RNF213: variants seen among roughly 807,000 people sequenced by gnomAD.
RNF213 encodes the protein E3 ubiquitin-protein ligase RNF213.
Under a neutral mutation model 514.4 loss-of-function variants are expected in RNF213, and 341 were observed. The observed-to-expected ratio is 0.66, with a 90% confidence interval of 0.61 to 0.73. RNF213 has a LOEUF of 0.73. Ranked by LOEUF, RNF213 falls within the 30% of genes least tolerant of loss-of-function variation. The probability of loss-of-function intolerance (pLI) is 0.00; values close to 1 mark genes in which losing one functional copy is unlikely to be tolerated. For synonymous variants in RNF213, 2,655 were observed against 2,658.2 expected, an observed-to-expected ratio of 1.00 and a Z score of 0.04; for missense variants, 5,767 against 6,615.6, an observed-to-expected ratio of 0.87 and a Z score of 4.45.
chr17:80,393,282 T>C, intron 67 of RNF213, 63 bp from the exon 68 acceptor site: 1 of 1,385,268 alleles, frequency 7.2e-7, no homozygotes, highest in Non-Finnish European at 1.0e-6. Flanking sequence ...AGTGCTGGGC[T>C]TACACACGTG....
intron 11 of RNF213, among the ~76,000 whole-genome samples, chr17:80,306,022 G>A (rs556132234): frequency 6.6e-6 from 1 of 151,986 alleles, no homozygotes; most frequent in Admixed American, 6.6e-5. Context: ...TAGAGACAGG[G>A]CCTCACTAGG....
Position 80,339,813 on chromosome 17 carries a change from C to G in RNF213, c.5446C>G (p.Pro1816Ala). Residue 1816 changes from proline (P) to alanine (A), a missense_variant, in exon 26 of 68, where the codon CCC (proline) becomes GCC (alanine). Around this residue, in one of 13 missense-constraint regions of RNF213, gnomAD observed 1,377 missense variants for 1,635.2 expected, o/e 0.84. Transcript: ENST00000582970. ...LAHLAGMGGS[P>A]VERCLPRGLQ... Reference sequence around the variant, plus strand: ...TCACCTGGCAGGGATGGGTGGGTCTCCCGTGGAGCGTTGTCTCCCGAGAGG... The same window carrying G: ...TCACCTGGCAGGGATGGGTGGGTCTGCCGTGGAGCGTTGTCTCCCGAGAGG... 1 of 1,534,936 alleles carries G rather than the reference C, an allele frequency of 6.5e-7. No homozygotes were observed. The highest frequency in any genetic ancestry group is 8.7e-7 in the Non-Finnish European group (1 of 1,145,134).
chr17:80,280,563 C>T (rs1006605542), intron 3 of RNF213, among the ~76,000 whole-genome samples: 2 of 152,244 alleles, frequency 1.3e-5, no homozygotes, highest in Non-Finnish European at 2.9e-5. Flanking sequence ...AAGCAATCCT[C>T]GTGCCTCAGC....
intron 8 of RNF213, 26 bp from the exon 9 acceptor site, chr17:80,294,694 G>T: frequency 6.2e-7 from 1 of 1,613,110 alleles, no homozygotes; most frequent in South Asian, 1.1e-5. Flanking sequence ...TCTTAGGTAG[G>T]CTCTTGTTCC....
intron 14 of RNF213, among the ~76,000 whole-genome samples, chr17:80,309,802 C>T (rs1020022050): frequency 1.3e-5 from 2 of 151,976 alleles, no homozygotes; most frequent in Non-Finnish European, 2.9e-5. Context: ...GTCACCCAGG[C>T]TGGAGTGCAG....
intron 7 of RNF213, 75 bp from the exon 8 acceptor site, chr17:80,291,553 A>G (rs2044729712): frequency 2.0e-5 from 28 of 1,433,478 alleles, no homozygotes; most frequent in Non-Finnish European, 2.6e-5. Context: ...TTTGCACTCC[A>G]TGCTACGTTT....
intron 17 of RNF213, among the ~76,000 whole-genome samples, chr17:80,323,128 A>G (rs1278921183): frequency 1.3e-5 from 2 of 152,198 alleles, no homozygotes; most frequent in Admixed American, 6.5e-5. Context: ...TTGTCCCAGC[A>G]TTTGTTGAAA....
intron 63 of RNF213, among the ~76,000 whole-genome samples, chr17:80,387,172 G>C (rs1274320654): frequency 1.3e-5 from 2 of 152,226 alleles, no homozygotes; most frequent in African/African-American, 4.8e-5. Context: ...CGAGGCTGCA[G>C]GGCAGTGGTG....
At chr17:80,308,521 G>A (rs939724496) in intron 13 of RNF213, among the ~76,000 whole-genome samples, 26 of 150,486 alleles carry the variant, frequency 1.7e-4, no homozygotes, top group Non-Finnish European at 3.5e-4. Context: ...GGCTCCTCCC[G>A]AGTCCCTACC....
At chr17:80,352,500 A>G in intron 32 of RNF213, 1 of 511,682 alleles carries the variant, frequency 2.0e-6, no homozygotes. Context: ...TTTCCAAGGA[A>G]TGGTCACCAG....
intron 37 of RNF213, among the ~76,000 whole-genome samples, chr17:80,359,110 G>C (rs1047142518): frequency 5.5e-4 from 83 of 152,204 alleles, no homozygotes; most frequent in African/African-American, 1.5e-3. Flanking sequence ...TTCCCTGGTG[G>C]AGCGGCACAG....
intron 67 of RNF213, among the ~76,000 whole-genome samples, chr17:80,391,165 C>T (rs2080457962): frequency 6.6e-6 from 1 of 152,214 alleles, no homozygotes; most frequent in African/African-American, 2.4e-5. Flanking sequence ...AGTTGCCAAT[C>T]TAAAGGCCAA....
At position 80,363,315 on chromosome 17, in the gene RNF213, G is replaced by C; in HGVS notation, c.11568+1G>C. 6.2e-7 allele frequency: 1 copy of C among 1,613,450 alleles called. No homozygotes were observed. The highest frequency in any genetic ancestry group is 8.5e-7 in the Non-Finnish European group (1 of 1,179,848). Reference sequence around the variant, plus strand: ...CCATGAGCTGGCTGGATGTGAGATGGTATGGCCCTCCTCCGCCTGCCCTGA... The same window carrying C: ...CCATGAGCTGGCTGGATGTGAGATGCTATGGCCCTCCTCCGCCTGCCCTGA... On this transcript the variant is annotated splice_donor_variant, in intron 40 of 67. Coordinates refer to ENST00000582970, the MANE Select transcript of RNF213 (RefSeq NM_001256071.3). LOFTEE classifies it high-confidence loss of function.
intron 10 of RNF213, among the ~76,000 whole-genome samples, chr17:80,297,502 C>G (rs2045001284): frequency 6.6e-6 from 1 of 151,278 alleles, no homozygotes; most frequent in Admixed American, 6.6e-5. Context: ...ACCTGTAATC[C>G]CAGTGCTTTG....
chr17:80,385,295 C>T lies in RNF213; in HGVS notation c.14455+124C>T, dbSNP rs1325541046. The T allele has an allele frequency of 3.2e-6, 4 of 1,242,724 alleles. No individual in the cohort carries two copies. In the Admixed American group the frequency reaches 7.3e-5, roughly 23 times the overall value. 77.0% of individuals were successfully genotyped at this position (1,242,724 alleles called of 1,614,324 possible). A position where few individuals can be genotyped will look rare whatever the true frequency, so the allele number is the denominator to read the frequency against. On this transcript the variant is annotated intron_variant, in intron 60 of 67. Transcript: ENST00000582970. The stretch of plus-strand genomic sequence containing the variant: ...CTGATGGGTGCTCTATAGCCTAAGC[C>T]CTTACCATGCGGTGAAGGGTGCTTG...
At chr17:80,305,086 G>A (rs2045310130) in intron 11 of RNF213, among the ~76,000 whole-genome samples, 1 of 151,898 alleles carries the variant, frequency 6.6e-6, no homozygotes, top group East Asian at 1.9e-4. Context: ...TGTTGCCCAG[G>A]TTGGTCTCAA....
intron 16 of RNF213, among the ~76,000 whole-genome samples, chr17:80,318,231 G>A (rs543825539): frequency 6.6e-6 from 1 of 151,342 alleles, no homozygotes; most frequent in South Asian, 2.1e-4. Context: ...CATTCTATTG[G>A]TAAAAAGACA....
Position 80,377,634 on chromosome 17 carries a change from T to C in RNF213, c.13511-128T>C. The C allele has an allele frequency of 5.2e-6, 5 of 964,076 alleles. No individual in the cohort carries two copies. Among genetic ancestry groups the C allele is most frequent in the Admixed American group, 3.4e-5 (2 of 59,046 alleles). The allele number at this position is 964,076 out of a possible 1,614,324, so 59.7% of individuals were successfully genotyped here. On this transcript the variant is annotated intron_variant, in intron 53 of 67. Transcript: ENST00000582970. The surrounding 1 kb of genome is among the most constrained non-coding windows in gnomAD (Gnocchi z 4.1). ...TGTCATGTAACTTAACAAATTAGCG[T>C]GGGATGCTCTGGACAGTCATTCTCA...
intron 14 of RNF213, among the ~76,000 whole-genome samples, chr17:80,310,442 A>G (rs11867757): frequency 0.3 from 45,232 of 151,630 alleles, 7,325 homozygotes; most frequent in African/African-American, 0.44. Context: ...TAGTAGAGAC[A>G]GGGTTTCACC....
Sources: gnomAD v4.1 joint callset for allele counts (sites outside exome capture counted in the v4.1 genomes callset) on GRCh38, gnomAD v4.1.1 for gene constraint, gnomAD v4.1.1 regional missense constraint, Gnocchi (gnomAD v3.1) non-coding constraint, MANE v1.5 for transcripts, NCBI Gene and HGNC (gene_info 2026-07-23, HGNC 2026-07-21) for gene names.